Variants in CEP41 observed in about 807,000 individuals in gnomAD.
CEP41 encodes centrosomal protein 41, also known as centrosomal protein of 41 kDa.
CEP41 carries 32 observed loss-of-function variants against 44.3 expected under a neutral mutation model. That is an observed-to-expected ratio of 0.72 (90% confidence interval 0.54 to 0.97). The LOEUF is 0.97. Among genes scored for constraint, CEP41 ranks in the 50% least tolerant of loss-of-function variants. CEP41 has a pLI of 0.00. For synonymous variants in CEP41, 151 were observed against 168.5 expected (o/e 0.90, Z 0.80); for missense variants, 432 against 455.2 (o/e 0.95, Z 0.46).
chr7:130,429,860 T>G (rs189656879), intron 1 of CEP41, among the ~76,000 whole-genome samples: 5 of 152,316 alleles, frequency 3.3e-5, no homozygotes, highest in Admixed American at 1.3e-4. Flanking sequence ...AATGACTTAC[T>G]CTGGTTGTAT....
chr7:130,441,015 C>G lies in CEP41; in HGVS notation c.-49G>C. 6.3e-7 allele frequency: 1 copy of G among 1,594,072 alleles called. No homozygotes were observed. The highest frequency in any genetic ancestry group is 1.1e-5 in the South Asian group (1 of 90,676). On this transcript the variant is annotated 5_prime_UTR_variant, in exon 1 of 11. Coordinates refer to ENST00000223208, the MANE Select transcript of CEP41 (RefSeq NM_018718.3). ...GGGGTTCTAGCCTCACGGGTTGCCT[C>G]TAACCCTAGCTTCCTACCCCCACAA...
intron 2 of CEP41, chr7:130,419,009 CA>C (rs1797420095): frequency 1.0e-6 from 1 of 980,682 alleles, no homozygotes; most frequent in Non-Finnish European, 1.2e-6. Flanking sequence ...TTTCTACTAA[CA>C]AAGTGTCTAC....
chr7:130,410,424 T>A (rs1163396094), intron 5 of CEP41, among the ~76,000 whole-genome samples: 2 of 152,142 alleles, frequency 1.3e-5, no homozygotes, highest in African/African-American at 4.8e-5. Context: ...GAAGGTACTT[T>A]TCAGTCCCTT....
intron 9 of CEP41, 26 bp downstream of exon 9, chr7:130,400,681 C>A: frequency 7.1e-7 from 1 of 1,414,946 alleles, no homozygotes; most frequent in South Asian, 1.2e-5. Flanking sequence ...CCTTTGAAGT[C>A]CCAAGCAGAG....
chr7:130,420,033 G>A, intron 2 of CEP41: 3 of 985,348 alleles, frequency 3.0e-6, no homozygotes, highest in Non-Finnish European at 3.6e-6. Context: ...AATACTTGCT[G>A]AATGATGGTC....
At chr7:130,419,085 A>G (rs1048852065) in intron 2 of CEP41, 1 of 985,434 alleles carries the variant, frequency 1.0e-6, no homozygotes, top group Non-Finnish European at 1.2e-6. Flanking sequence ...ATTTTGTATC[A>G]GCTGACCCTC....
At chr7:130,440,890 T>A in intron 1 of CEP41, 44 bp downstream of exon 1, 1 of 1,579,214 alleles carries the variant, frequency 6.3e-7, no homozygotes, top group Admixed American at 1.7e-5. Context: ...CCTTTTCCGG[T>A]GCGCCCGCCC....
rs782147682 is a variant in CEP41 at position 130,400,783 on chromosome 7, A to G, written c.681T>C (p.Asp227=). The change falls in exon 9 of 11, where the codon GAT becomes GAC. Residue 227 remains aspartate (D), a synonymous_variant. Transcript: ENST00000223208. ...CCGCCTGACTGGCCAGCCTTTCATC[A>G]TCGTCATACAGAATGATGATCTTGC... The part of the protein sequence containing the change: ...AHGKIIILYD[D]DERLASQAAT... 3 of 1,613,662 alleles carry G rather than the reference A, an allele frequency of 1.9e-6. No individual in the cohort carries two copies. Among genetic ancestry groups the G allele is most frequent in the Non-Finnish European group, 2.5e-6 (3 of 1,179,828 alleles).
At chr7:130,423,710 G>A (rs991925621) in intron 2 of CEP41, among the ~76,000 whole-genome samples, 2 of 152,188 alleles carry the variant, frequency 1.3e-5, no homozygotes, top group African/African-American at 2.4e-5. Context: ...TAAACAACCC[G>A]AATGTCCATC....
chr7:130,398,475 C>G lies in CEP41; in HGVS notation c.*416G>C. 1 of 454,836 alleles carries G rather than the reference C, an allele frequency of 2.2e-6. No homozygotes were observed. Among genetic ancestry groups the G allele is most frequent in the Non-Finnish European group, 4.4e-6 (1 of 227,386 alleles). The allele number at this position is 454,836 out of a possible 1,614,324, so 28.2% of individuals were successfully genotyped here. Reference sequence around the variant, plus strand: ...GGAGAAGCCTTCATGAAGTCAAGAACAGTGAATGAAAAGGTGGCAGGGACA... The same window carrying G: ...GGAGAAGCCTTCATGAAGTCAAGAAGAGTGAATGAAAAGGTGGCAGGGACA... On this transcript the variant is annotated 3_prime_UTR_variant, in exon 11 of 11. Transcript: ENST00000223208.
chr7:130,399,107 T>A (rs1270280744), intron 10 of CEP41, 68 bp from the exon 11 acceptor site: 1 of 1,589,342 alleles, frequency 6.3e-7, no homozygotes, highest in African/African-American at 1.3e-5. Flanking sequence ...CCAAGTACAG[T>A]TTTAAGCTAA....
chr7:130,400,155 C>G lies in CEP41; in HGVS notation c.857G>C (p.Arg286Pro), dbSNP rs11769911. ...QALPPGSARKRSSPKGPPLPA... is the reference protein window; with the variant it reads ...QALPPGSARKPSSPKGPPLPA... The stretch of plus-strand genomic sequence containing the variant: ...TAGGGGTGGCCCTTTGGGGCTGGAT[C>G]GTTTCCGGGCAGACCCAGGAGGAAG... Residue 286 changes from arginine (R) to proline (P), a missense_variant, in exon 10 of 11, where the codon CGA becomes CCA. Coordinates refer to ENST00000223208, the MANE Select transcript of CEP41 (RefSeq NM_018718.3). The G allele has an allele frequency of 1.2e-6, 2 of 1,613,778 alleles. No homozygotes were observed. The highest frequency in any genetic ancestry group is 1.7e-6 in the Non-Finnish European group (2 of 1,179,826).
chr7:130,406,987 A>AT (rs571885644), intron 5 of CEP41, among the ~76,000 whole-genome samples: 384 of 151,290 alleles, frequency 2.5e-3, no homozygotes, highest in Non-Finnish European at 4.2e-3. Flanking sequence ...GTATATAAAA[A>AT]ATATATATAT....
At position 130,402,778 on chromosome 7, in the gene CEP41, T is replaced by C. The variant is rs1796892452; in HGVS notation, c.444A>G (p.Glu148=). Residue 148 remains glutamate, a synonymous_variant, in exon 7 of 11, where the codon GAA becomes GAG. Transcript: ENST00000223208. ...TCACTGGCCCTTTGTCTAGATCCAG[T>C]TCCCCAACACCACTGATGACACTGC... is the stretch of plus-strand genomic sequence containing the variant. The part of the protein sequence containing the change: ...TLQSVISGVG[E]LDLDKGPVKK... The C allele has an allele frequency of 6.2e-7, 1 of 1,614,032 alleles. No individual in the cohort carries two copies. The highest frequency in any genetic ancestry group is 1.1e-5 in the South Asian group (1 of 91,080).
At chr7:130,417,245 T>G in intron 2 of CEP41, 3 of 1,231,524 alleles carry the variant, frequency 2.4e-6, no homozygotes, top group Non-Finnish European at 3.1e-6. Context: ...ATGATCATTT[T>G]CTATCAGTTT....
chr7:130,441,361 A>G, upstream of CEP41: 1 of 380,042 alleles, frequency 2.6e-6, no homozygotes, highest in Non-Finnish European at 5.1e-6. Context: ...CATAAATACA[A>G]CACAAGACTC....
rs1459923095 is a variant in CEP41 at position 130,394,903 on chromosome 7, T to G, written c.*3988A>C. 4.4e-6 allele frequency: 2 copies of G among 454,004 alleles called. No homozygotes were observed. The highest frequency in any genetic ancestry group is 8.8e-6 in the Non-Finnish European group (2 of 226,804). 28.1% of individuals were successfully genotyped at this position (454,004 alleles called of 1,614,324 possible). On this transcript the variant is annotated 3_prime_UTR_variant, in exon 11 of 11. Coordinates refer to ENST00000223208, the MANE Select transcript of CEP41 (RefSeq NM_018718.3). ...CCATCCGTCCACAGCATTTGAGAAG[T>G]GGCCTCTCTTTGCCTCACATTTTAC...
chr7:130,440,433 G>A, intron 1 of CEP41: 1 of 224,360 alleles, frequency 4.5e-6, no homozygotes, highest in Non-Finnish European at 8.9e-6. Context: ...TGCAGCAGGG[G>A]ACTAGCGGTG....
intron 9 of CEP41, 162 bp downstream of exon 9, chr7:130,400,545 A>G (rs1796811174): frequency 1.5e-6 from 1 of 676,244 alleles, no homozygotes; most frequent in Non-Finnish European, 2.7e-6. Flanking sequence ...GTGCTGATGA[A>G]GCTAAGGGAA....
Sources: gnomAD v4.1 joint callset for allele counts (sites outside exome capture counted in the v4.1 genomes callset) on GRCh38, gnomAD v4.1.1 for gene constraint, MANE v1.5 for transcripts, NCBI Gene and HGNC (gene_info 2026-07-23, HGNC 2026-07-21) for gene names.